Variants in DAB1 observed in about 807,000 individuals in gnomAD.
DAB1 encodes disabled homolog 1.
Under a neutral mutation model 64.6 loss-of-function variants are expected in DAB1, and 15 were observed. The observed-to-expected ratio is 0.23, with a 90% CI of 0.16 to 0.36. The LOEUF is 0.36. DAB1 is among the 10% of genes least tolerant of loss of function. The pLI is 1.00. For synonymous variants in DAB1, 235 were observed against 251.9 expected (o/e 0.93, Z 0.64); for missense variants, 596 against 706.7 (o/e 0.84, Z 1.78).
intron 5 of DAB1, among the ~76,000 whole-genome samples, chr1:58,059,671 C>T (rs1648368391): frequency 6.6e-6 from 1 of 152,222 alleles, no homozygotes. Context: ...AGTCTAATGG[C>T]ATAAACAAGC....
intron 4 of DAB1, among the ~76,000 whole-genome samples, chr1:58,311,030 G>A (rs909328481): frequency 4.6e-5 from 7 of 152,110 alleles, no homozygotes; most frequent in Admixed American, 1.3e-4. Context: ...CTAGCTTACC[G>A]AGCCCAGTTT....
intron 2 of DAB1, among the ~76,000 whole-genome samples, chr1:57,152,262 T>C (rs533533230): frequency 4.6e-5 from 7 of 152,316 alleles, no homozygotes; most frequent in Middle Eastern, 3.4e-3. Flanking sequence ...CTTTCCTACT[T>C]GGCTCAGAGG....
intron 2 of DAB1, among the ~76,000 whole-genome samples, chr1:57,200,503 A>G (rs1245528108): frequency 6.6e-6 from 1 of 152,228 alleles, no homozygotes; most frequent in Non-Finnish European, 1.5e-5. Context: ...GCAGAGAGCC[A>G]GGGTTCAAAT....
chr1:58,485,228 T>TAAAAAAAAAAAAAAAAAAAAA (rs71043289), intron 3 of DAB1, among the ~76,000 whole-genome samples: 2 of 42,036 alleles, frequency 4.8e-5, no homozygotes, highest in Non-Finnish European at 8.3e-5. Flanking sequence ...AGTCTACTAC[T>TAAAAAAAAAAAAAAAAAAAAA]AAAAAAAAAA....
chr1:58,100,576 CA>C (rs1360668419), intron 5 of DAB1, among the ~76,000 whole-genome samples: 1 of 152,178 alleles, frequency 6.6e-6, no homozygotes, highest in Non-Finnish European at 1.5e-5. Flanking sequence ...TTTGAGTATA[CA>C]CCCAGAAGTC....
chr1:58,411,096 A>G lies in DAB1; in HGVS notation n.258-67693T>C, dbSNP rs78599787. 8.4e-3 allele frequency among the ~76,000 whole-genome samples: 1,283 copies of G among 152,348 alleles called. 24 individuals are homozygous for G. Among genetic ancestry groups the G allele is most frequent in the African/African-American group, 0.03 (1,232 of 41,578 alleles). ...TGATATCCCTCAGGCCTCTGCATGA[A>G]TAACTCCAGTGATGGGGATCTCATT... On this transcript the variant is annotated intron_variant and non_coding_transcript_variant, in intron 3 of 20. Transcript: ENST00000485760.
At chr1:58,119,726 G>A (rs1652621509) in intron 5 of DAB1, among the ~76,000 whole-genome samples, 1 of 152,164 alleles carries the variant, frequency 6.6e-6, no homozygotes, top group African/African-American at 2.4e-5. Context: ...CCTGAAAATA[G>A]GACAACAGAG....
At chr1:57,458,006 C>G (rs1175544067) in intron 7 of DAB1, among the ~76,000 whole-genome samples, 1 of 152,138 alleles carries the variant, frequency 6.6e-6, no homozygotes, top group African/African-American at 2.4e-5. Flanking sequence ...TCAATAACAA[C>G]AGACTCACAT....
chr1:57,362,813 A>C (rs2100903436), intron 1 of DAB1, among the ~76,000 whole-genome samples: 3 of 152,230 alleles, frequency 2.0e-5, no homozygotes, highest in Middle Eastern at 6.8e-3. Context: ...AAATACACAC[A>C]CACAAGCACA....
intron 7 of DAB1, among the ~76,000 whole-genome samples, chr1:57,640,596 G>T (rs12066246): frequency 1.3e-5 from 2 of 152,112 alleles, no homozygotes; most frequent in African/African-American, 4.8e-5. Flanking sequence ...ACTCCCCTGA[G>T]AGCCTATTCC....
intron 1 of DAB1, among the ~76,000 whole-genome samples, chr1:57,314,764 C>T (rs1570252695): frequency 6.7e-6 from 1 of 149,110 alleles, no homozygotes; most frequent in Non-Finnish European, 1.5e-5. Flanking sequence ...AAAAAAAAAA[C>T]ACAAAACACA....
chr1:57,980,978 G>GATAC (rs1646052484), intron 5 of DAB1, among the ~76,000 whole-genome samples: 1 of 151,160 alleles, frequency 6.6e-6, no homozygotes, highest in African/African-American at 2.4e-5. Context: ...TAAAGAGATA[G>GATAC]ATACATACAT....
At chr1:57,051,539 T>C (rs1317744724) in intron 9 of DAB1, among the ~76,000 whole-genome samples, 1 of 152,146 alleles carries the variant, frequency 6.6e-6, no homozygotes, top group Non-Finnish European at 1.5e-5. Context: ...GCAGGGAAAA[T>C]GAATTAAATC....
chr1:58,405,526 C>A (rs189890913), intron 3 of DAB1, among the ~76,000 whole-genome samples: 21 of 152,186 alleles, frequency 1.4e-4, no homozygotes, highest in African/African-American at 4.6e-4. Context: ...CCATCACACC[C>A]AGCTAATTTT....
intron 3 of DAB1, among the ~76,000 whole-genome samples, chr1:58,485,140 C>T (rs990218349): frequency 5.0e-5 from 7 of 139,084 alleles, no homozygotes; most frequent in Admixed American, 3.1e-4. Context: ...TGTGAGTATG[C>T]GGGGACAGAT....
At chr1:57,183,221 G>A (rs1486004360) in intron 2 of DAB1, among the ~76,000 whole-genome samples, 3 of 152,172 alleles carry the variant, frequency 2.0e-5, no homozygotes, top group Non-Finnish European at 4.4e-5. Context: ...ACAAGGGTGA[G>A]GTGAATGGGT....
At chr1:58,161,098 C>T (rs190568775) in intron 4 of DAB1, among the ~76,000 whole-genome samples, 21 of 152,270 alleles carry the variant, frequency 1.4e-4, no homozygotes, top group African/African-American at 2.6e-4. Context: ...CAAGTAGAAA[C>T]GACTCTCACC....
At chr1:57,984,431 C>T (rs1646162270) in intron 5 of DAB1, among the ~76,000 whole-genome samples, 1 of 152,038 alleles carries the variant, frequency 6.6e-6, no homozygotes, top group African/African-American at 2.4e-5. Context: ...AGGAGGCAGG[C>T]ACTCTAGGAG....
chr1:58,236,912 A>G (rs1660067976), intron 4 of DAB1, among the ~76,000 whole-genome samples: 1 of 152,226 alleles, frequency 6.6e-6, no homozygotes, highest in Admixed American at 6.5e-5. Flanking sequence ...ACAGCTGGAA[A>G]CTGAAACCCA....
Sources: allele counts gnomAD v4.1 joint callset (sites outside exome capture counted in the v4.1 genomes callset), GRCh38; gene constraint gnomAD v4.1.1; transcripts MANE v1.5; gene names NCBI Gene and HGNC (gene_info 2026-07-23, HGNC 2026-07-21).